Variants in ABCC12 observed in about 807,000 individuals in gnomAD.
ABCC12 encodes ATP-binding cassette sub-family C member 12.
In ABCC12, 142 loss-of-function variants were observed where a neutral mutation model predicts 151.1. That is an observed-to-expected ratio of 0.94 (90% confidence interval 0.82 to 1.08). The LOEUF (loss-of-function observed/expected upper bound fraction) is 1.08, where lower values mean the gene tolerates loss of function less well. ABCC12 is among the 50% of genes least tolerant of loss of function. ABCC12 has a pLI of 0.00. For synonymous variants in ABCC12, 645 were observed against 646.4 expected (o/e 1.00, Z 0.03); for missense variants, 1,638 against 1,691.1 (o/e 0.97, Z 0.55).
In ABCC12 at chr16:48,104,322, CT is replaced by C; in HGVS notation, c.2719del (p.Arg907GlyfsTer2). On this transcript the variant is annotated frameshift_variant, in exon 22 of 31. Transcript: ENST00000311303. LOFTEE classifies it high-confidence loss of function. ...ATCCTTGGAAAAACGGTTCATTAGC[CT>C]GCCAGTGGGAGTCGTGTCAAAGAAA... Reference protein sequence around the residue: ...MSFFDTTPTGRLMNRFSKDMD... With the variant: ...MSFFDTTPTGXLMNRFSKDMD... The C allele has an allele frequency of 6.2e-7, 1 of 1,614,272 alleles. No individual in the cohort carries two copies. The highest frequency in any genetic ancestry group is 8.5e-7 in the Non-Finnish European group (1 of 1,180,048).
At chr16:48,102,218 T>A (rs1462741341) in intron 22 of ABCC12, among the ~76,000 whole-genome samples, 1 of 152,224 alleles carries the variant, frequency 6.6e-6, no homozygotes, top group Non-Finnish European at 1.5e-5. Flanking sequence ...TAGGAGTAAC[T>A]GTAACTTCAC....
chr16:48,139,253 T>C lies in ABCC12; in HGVS notation c.741A>G (p.Leu247=). 1 of 1,613,950 alleles carries C rather than the reference T, an allele frequency of 6.2e-7. No individual in the cohort carries two copies. ...AGGCGTACGCCGCACAAAAGACCATTAGGATCGGGATGGTGGCTGGCAAAG... is the reference window on the plus strand; with the variant it reads ...AGGCGTACGCCGCACAAAAGACCATCAGGATCGGGATGGTGGCTGGCAAAG... The part of the protein sequence containing the change: ...FCPLPATIPI[L]MVFCAAYAFF... Residue 247 remains leucine, a synonymous_variant, in exon 7 of 31, where the codon CTA becomes CTG. Transcript: ENST00000311303.
At position 48,088,560 on chromosome 16, in the gene ABCC12, C is replaced by T. The variant is rs763768779; in HGVS notation, c.3460G>A (p.Gly1154Arg). 1.2e-6 allele frequency: 2 copies of T among 1,613,828 alleles called. No homozygotes were observed. The highest frequency in any genetic ancestry group is 1.1e-5 in the South Asian group (1 of 90,946). Residue 1154 changes from glycine to arginine, a missense_variant, in exon 26 of 31, where the codon GGA becomes AGA. Coordinates refer to ENST00000311303, the MANE Select transcript of ABCC12 (RefSeq NM_001393797.1). ...TTGTCCTCACCGGAACCTGTTCTTC[C>T]AACAATCCCGACTGTCTGCCCACTT... Reference protein sequence around the residue: ...IQSGQTVGIVGRTGSGKSSLG... With the variant: ...IQSGQTVGIVRRTGSGKSSLG...
At position 48,141,032 on chromosome 16, in the gene ABCC12, T is replaced by C. The variant is rs544120191; in HGVS notation, c.424-112A>G. 20 of 1,380,640 alleles carry C rather than the reference T, an allele frequency of 1.4e-5. No homozygotes were observed. The South Asian group carries it at 2.3e-4, about 16-fold the overall frequency. The allele number at this position is 1,380,640 out of a possible 1,614,324, so 85.5% of individuals were successfully genotyped here. A position where few individuals can be genotyped will look rare whatever the true frequency, so the allele number is the denominator to read the frequency against. On this transcript the variant is annotated intron_variant, in intron 5 of 30. Transcript: ENST00000311303. ...TTTAAGAGGCAAACTTTTTAATTAATTTTAGTGGCTGCTGCTGTGCTTGAC... is the reference window on the plus strand; with the variant it reads ...TTTAAGAGGCAAACTTTTTAATTAACTTTAGTGGCTGCTGCTGTGCTTGAC...
chr16:48,091,159 G>C lies in ABCC12; in HGVS notation c.3246C>G (p.Ala1082=). The change falls in exon 25 of 31, where the codon GCC becomes GCG. Residue 1082 remains alanine, a synonymous_variant. Transcript: ENST00000311303. The part of the protein sequence containing the change: ...VCVRTGTETQ[A]KFTSVELLRE... ...TGAGCAGCTCCACGGAGGTGAATTT[G>C]GCTTGCGTCTCTGTTCCCGTTCGCA... is the stretch of plus-strand genomic sequence containing the variant. The C allele has an allele frequency of 6.2e-7, 1 of 1,614,194 alleles. No homozygotes were observed. Among genetic ancestry groups the C allele is most frequent in the Non-Finnish European group, 8.5e-7 (1 of 1,180,022 alleles).
chr16:48,111,928 C>T lies in ABCC12; in HGVS notation c.1990-18G>A, dbSNP rs369696865. 1.1e-4 allele frequency: 176 copies of T among 1,610,086 alleles called. 1 individual carries two copies. In the African/African-American group the frequency reaches 1.9e-3, roughly 18 times the overall value. On this transcript the variant is annotated intron_variant, in intron 15 of 30. Transcript: ENST00000311303. The stretch of plus-strand genomic sequence containing the variant: ...TCTAAGAACTGCAGAAGTAAGTGAT[C>T]GACAATGAACTTCTGCCTGGAAAGG...
chr16:48,097,264 G>A (rs1041756648), intron 23 of ABCC12, among the ~76,000 whole-genome samples: 1 of 151,982 alleles, frequency 6.6e-6, no homozygotes, highest in Non-Finnish European at 1.5e-5. Flanking sequence ...GATCCCTATC[G>A]TGGAGTCAGT....
At chr16:48,129,341 G>A (rs189933475) in intron 10 of ABCC12, among the ~76,000 whole-genome samples, 46 of 152,318 alleles carry the variant, frequency 3.0e-4, no homozygotes, top group Non-Finnish European at 5.9e-4. Context: ...CATTCTCGAG[G>A]TCCATGCACT....
chr16:48,086,655 G>A (rs1182726447), intron 28 of ABCC12, 86 bp downstream of exon 28: 1 of 1,190,014 alleles, frequency 8.4e-7, no homozygotes, highest in East Asian at 2.3e-5. Flanking sequence ...GCTGGCCTAG[G>A]TGCTTGTCAA....
intron 8 of ABCC12, among the ~76,000 whole-genome samples, chr16:48,137,727 T>C (rs1964658932): frequency 6.6e-6 from 1 of 152,238 alleles, no homozygotes; most frequent in Non-Finnish European, 1.5e-5. Context: ...TTATATTTGA[T>C]CAAAATAGTT....
rs1435084681 is a variant in ABCC12, at chr16:48,128,634, G to C, written c.1340C>G (p.Ala447Gly). Residue 447 changes from alanine (A) to glycine (G), a missense_variant, in exon 11 of 31, where the codon GCC (alanine) becomes GGC (glycine). By Grantham distance (60) the Ala-to-Gly change is moderately conservative. Coordinates refer to ENST00000311303, the MANE Select transcript of ABCC12 (RefSeq NM_001393797.1). The stretch of plus-strand genomic sequence containing the variant: ...TTTCTTTGGGGTACTTTTCCTGCTG[G>C]CTTCATGCTCCCATGTCAAGGTGGC... ...ANATLTWEHE[A>G]SRKSTPKKLQ... 1 of 1,614,162 alleles carries C rather than the reference G, an allele frequency of 6.2e-7. No individual in the cohort carries two copies.
At chr16:48,104,405 T>C (rs767926008) in intron 21 of ABCC12, 37 bp from the exon 22 acceptor site, 1 of 1,591,246 alleles carries the variant, frequency 6.3e-7, no homozygotes, top group South Asian at 1.1e-5. Flanking sequence ...AGAGTCGAGA[T>C]GCGTGCTTAG....
chr16:48,126,371 C>T (rs188220832), intron 11 of ABCC12, among the ~76,000 whole-genome samples: 1 of 152,286 alleles, frequency 6.6e-6, no homozygotes, highest in African/African-American at 2.4e-5. Flanking sequence ...TGCTGGCCAC[C>T]TCCAAGCCAG....
chr16:48,119,626 T>A (rs1335889092), intron 13 of ABCC12, among the ~76,000 whole-genome samples: 1 of 152,164 alleles, frequency 6.6e-6, no homozygotes, highest in Non-Finnish European at 1.5e-5. Context: ...AGGAGGTGAA[T>A]TGACAAGCCT....
Position 48,091,190 on chromosome 16 carries a change from A to C in ABCC12, c.3215T>G (p.Val1072Gly), listed in dbSNP as rs756577166. ...CGTCTCTGTTCCCGTTCGCACACAC[A>C]CTTGGAGCAGTCCGCTCAGCTGTTG... ...YIIQLSGLLQ[V>G]CVRTGTETQA... The change falls in exon 25 of 31, where the codon GTG becomes GGG. Residue 1072 changes from valine to glycine, a missense_variant. Transcript: ENST00000311303. 5 of 1,614,024 alleles carry C rather than the reference A, an allele frequency of 3.1e-6. No homozygotes were observed. In the East Asian group the frequency reaches 6.7e-5, roughly 22 times the overall value.
chr16:48,086,946 A>C, intron 27 of ABCC12, 127 bp from the exon 28 acceptor site: 1 of 788,374 alleles, frequency 1.3e-6, no homozygotes, highest in Non-Finnish European at 2.2e-6. Context: ...GTGCTCCAAG[A>C]ATAGTGCTCA....
chr16:48,099,961 TC>T (rs1174643751), intron 23 of ABCC12, among the ~76,000 whole-genome samples: 39 of 151,016 alleles, frequency 2.6e-4, no homozygotes, highest in Admixed American at 5.9e-4. Flanking sequence ...TTATCCTTTT[TC>T]TTTTTTTTTT....
Position 48,105,203 on chromosome 16 carries a change from C to G in ABCC12, c.2609G>C (p.Gly870Ala), listed in dbSNP as rs368712624. The G allele has an allele frequency of 3.7e-6, 6 of 1,614,106 alleles. No individual in the cohort carries two copies. Among genetic ancestry groups the G allele is most frequent in the Admixed American group, 1.7e-5 (1 of 60,026 alleles). Residue 870 changes from glycine to alanine, a missense_variant, in exon 21 of 31, where the codon GGC (glycine) becomes GCC (alanine). Gly to Ala is a moderately conservative substitution (Grantham distance 60, BLOSUM62 0). Transcript: ENST00000311303. ...VFMLVFGVTK[G>A]FVFTKTTLMA... Reference sequence around the variant, plus strand: ...CAGTGTGGTCTTGGTGAAGACGAAGCCTTTGGTGACGCCAAACACCAGCAT... The same window carrying G: ...CAGTGTGGTCTTGGTGAAGACGAAGGCTTTGGTGACGCCAAACACCAGCAT...
At position 48,086,792 on chromosome 16, in the gene ABCC12, G is replaced by A; in HGVS notation, c.3663C>T (p.His1221=). 1.9e-6 allele frequency: 3 copies of A among 1,613,980 alleles called. No individual in the cohort carries two copies. Among genetic ancestry groups the A allele is most frequent in the Middle Eastern group, 1.6e-4 (1 of 6,062 alleles). Reference sequence around the variant, plus strand: ...GAACCTGCCAGAGCATCTCATCGGTGTGACTCTCAAAGGGATCCAAGTTGT... The same window carrying A: ...GAACCTGCCAGAGCATCTCATCGGTATGACTCTCAAAGGGATCCAAGTTGT... ...VRYNLDPFES[H]TDEMLWQVLE... The change falls in exon 28 of 31, where the codon CAC becomes CAT. Residue 1221 remains histidine, a synonymous_variant. Coordinates refer to ENST00000311303, the MANE Select transcript of ABCC12 (RefSeq NM_001393797.1).
Sources: allele counts gnomAD v4.1 joint callset (sites outside exome capture counted in the v4.1 genomes callset), GRCh38; gene constraint gnomAD v4.1.1; transcripts MANE v1.5; gene names NCBI Gene and HGNC (gene_info 2026-07-23, HGNC 2026-07-21).